Variants in PRTFDC1 observed in about 807,000 individuals in gnomAD.
The protein encoded by PRTFDC1 is phosphoribosyl transferase domain containing 1, also known as phosphoribosyltransferase domain-containing protein 1.
Under a neutral mutation model 34.6 loss-of-function variants are expected in PRTFDC1, and 38 were observed. The observed-to-expected ratio is 1.10, with a 90% confidence interval of 0.85 to 1.44. The LOEUF is 1.44. PRTFDC1 is among the 40% of genes most tolerant of loss of function. The pLI, the probability that PRTFDC1 is intolerant of heterozygous loss-of-function variation, is 0.00. For missense variants in PRTFDC1, 270 were observed against 283.0 expected, an observed-to-expected ratio of 0.95 and a Z score of 0.33; for synonymous variants, 93 against 98.1, an observed-to-expected ratio of 0.95 and a Z score of 0.31.
intron 3 of PRTFDC1, among the ~76,000 whole-genome samples, chr10:24,934,926 C>T (rs1338172427): frequency 6.6e-6 from 1 of 152,124 alleles, no homozygotes; most frequent in South Asian, 2.1e-4. Flanking sequence ...TGGATGAATG[C>T]ATTATGTTAT....
chr10:24,907,023 C>T (rs1016082080), intron 3 of PRTFDC1, among the ~76,000 whole-genome samples: 4 of 152,144 alleles, frequency 2.6e-5, no homozygotes, highest in South Asian at 4.2e-4. Flanking sequence ...CATATGAACA[C>T]GTTACAGAAA....
At chr10:24,943,210 G>A (rs372224409) in intron 1 of PRTFDC1, among the ~76,000 whole-genome samples, 26 of 151,932 alleles carry the variant, frequency 1.7e-4, no homozygotes, top group African/African-American at 5.8e-4. Context: ...TTAAAAGTAC[G>A]TATCTCCTGG....
intron 1 of PRTFDC1, among the ~76,000 whole-genome samples, chr10:24,948,855 G>A (rs1849292936): frequency 1.3e-5 from 2 of 152,178 alleles, no homozygotes; most frequent in South Asian, 4.1e-4. Flanking sequence ...CATTCACATA[G>A]CCAGACCAGT....
chr10:24,870,896 A>G (rs931442656), intron 4 of PRTFDC1, among the ~76,000 whole-genome samples: 5 of 151,712 alleles, frequency 3.3e-5, no homozygotes, highest in Non-Finnish European at 7.4e-5. Flanking sequence ...ACATGGTGAA[A>G]CCCCGTCTCT....
chr10:24,922,925 C>T (rs6482458), intron 3 of PRTFDC1, among the ~76,000 whole-genome samples: 49,190 of 152,088 alleles, frequency 0.32, 9,366 homozygotes, highest in African/African-American at 0.53. Context: ...CCTGGAGGAA[C>T]CGTACACTTC....
At chr10:24,891,530 T>C (rs1848261763) in intron 3 of PRTFDC1, among the ~76,000 whole-genome samples, 1 of 152,082 alleles carries the variant, frequency 6.6e-6, no homozygotes, top group Non-Finnish European at 1.5e-5. Context: ...CAGTGGCTCC[T>C]GTCCATAATC....
chr10:24,857,265 G>GGACT (rs1847595257), intron 5 of PRTFDC1, among the ~76,000 whole-genome samples: 1 of 152,142 alleles, frequency 6.6e-6, no homozygotes, highest in Non-Finnish European at 1.5e-5. Context: ...ACAGCATGTA[G>GGACT]GACTCCTCGT....
Position 24,860,146 on chromosome 10 carries a change from G to A in PRTFDC1, c.406-1737C>T, listed in dbSNP as rs557032218. 7.0e-4 allele frequency among the ~76,000 whole-genome samples: 106 copies of A among 152,238 alleles called. 2 individuals carry two copies. The highest frequency in any genetic ancestry group is 6.2e-3 in the Admixed American group (95 of 15,288). Reference sequence around the variant, plus strand: ...TGTAATCCCAGCACTTTAGGAGGCCGAGGTGGGTGGATCACCTGAGGTCAG... The same window carrying A: ...TGTAATCCCAGCACTTTAGGAGGCCAAGGTGGGTGGATCACCTGAGGTCAG... On this transcript the variant is annotated intron_variant, in intron 4 of 8. Coordinates refer to ENST00000320152, the MANE Select transcript of PRTFDC1 (RefSeq NM_020200.7).
intron 1 of PRTFDC1, among the ~76,000 whole-genome samples, chr10:24,948,774 G>A (rs1849291460): frequency 6.6e-6 from 1 of 152,074 alleles, no homozygotes; most frequent in Admixed American, 6.6e-5. Flanking sequence ...TCATCTTGTA[G>A]CTCCTTCACC....
intron 3 of PRTFDC1, among the ~76,000 whole-genome samples, chr10:24,901,291 T>C (rs1369630822): frequency 6.6e-6 from 1 of 152,106 alleles, no homozygotes; most frequent in African/African-American, 2.4e-5. Context: ...TAAGTGGGTG[T>C]TTCTTTGTTG....
intron 1 of PRTFDC1, among the ~76,000 whole-genome samples, chr10:24,949,735 ATTTATTTTTTTTTTTT>A (rs1195242176): frequency 1.1e-4 from 15 of 140,024 alleles, no homozygotes; most frequent in Non-Finnish European, 1.9e-4. Flanking sequence ...TTATTTATTT[ATTTATTTTTTTTTTTT>A]TTTTTAAGAA....
At chr10:24,854,726 A>G (rs1847543554) in intron 7 of PRTFDC1, among the ~76,000 whole-genome samples, 1 of 152,212 alleles carries the variant, frequency 6.6e-6, no homozygotes, top group Non-Finnish European at 1.5e-5. Context: ...AAGTGTGAAG[A>G]TGGTATCTAG....
chr10:24,919,897 G>C (rs974535602), intron 3 of PRTFDC1, among the ~76,000 whole-genome samples: 3 of 152,046 alleles, frequency 2.0e-5, no homozygotes, highest in Admixed American at 6.6e-5. Flanking sequence ...AATCATTAGA[G>C]AAATGCAAAT....
intron 3 of PRTFDC1, among the ~76,000 whole-genome samples, chr10:24,895,253 C>CTTTTTTTTTTTTTTTT (rs60331186): frequency 2.9e-5 from 3 of 105,190 alleles, no homozygotes; most frequent in African/African-American, 8.1e-5. Flanking sequence ...TCTCCACTTT[C>CTTTTTTTTTTTTTTTT]TTTTTTTTTT....
At chr10:24,924,846 A>G (rs1383083178) in intron 3 of PRTFDC1, among the ~76,000 whole-genome samples, 1 of 152,236 alleles carries the variant, frequency 6.6e-6, no homozygotes, top group Non-Finnish European at 1.5e-5. Flanking sequence ...ATATGGAGAA[A>G]TAGGAACACT....
At chr10:24,931,636 T>G (rs1848973486) in intron 3 of PRTFDC1, among the ~76,000 whole-genome samples, 1 of 151,842 alleles carries the variant, frequency 6.6e-6, no homozygotes, top group African/African-American at 2.4e-5. Flanking sequence ...AATGGACAAA[T>G]GCCTTGAAAG....
intron 3 of PRTFDC1, among the ~76,000 whole-genome samples, chr10:24,896,764 C>T (rs1848372261): frequency 2.0e-5 from 3 of 152,156 alleles, no homozygotes; most frequent in Non-Finnish European, 4.4e-5. Context: ...AAAGTGCATA[C>T]CACTTAGCGT....
chr10:24,891,816 C>T (rs1321957260), intron 3 of PRTFDC1, among the ~76,000 whole-genome samples: 1 of 152,090 alleles, frequency 6.6e-6, no homozygotes, highest in East Asian at 1.9e-4. Context: ...AGATACTAGA[C>T]ATCAAGCAAT....
chr10:24,941,182 T>C (rs1008748706), intron 2 of PRTFDC1, among the ~76,000 whole-genome samples: 1 of 151,938 alleles, frequency 6.6e-6, no homozygotes, highest in Non-Finnish European at 1.5e-5. Context: ...GCCTCCCTAG[T>C]AGCTGGGACT....
Sources: allele counts gnomAD v4.1 joint callset (sites outside exome capture counted in the v4.1 genomes callset), GRCh38; gene constraint gnomAD v4.1.1; transcripts MANE v1.5; gene names NCBI Gene and HGNC (gene_info 2026-07-23, HGNC 2026-07-21).